Variants in SPMIP2 observed in about 807,000 individuals in gnomAD.
SPMIP2 encodes sperm microtubule inner protein 2, also known as protein SPMIP2.
At chr4:158,924,301 T>C in the SPMIP2 span, among the ~76,000 whole-genome samples, 2 of 152,348 alleles carry the variant, frequency 1.3e-5, no homozygotes, top group African/African-American at 4.8e-5. Context: ...GTTGAGTGTT[T>C]TTCATCATGA....
the SPMIP2 span, among the ~76,000 whole-genome samples, chr4:158,964,228 G>A: frequency 6.6e-6 from 1 of 151,898 alleles, no homozygotes; most frequent in South Asian, 2.1e-4. Flanking sequence ...GTGCCTGGGT[G>A]GCCTCTGAAT....
At chr4:159,035,206 G>A in the SPMIP2 span, 1,871 of 815,854 alleles carry the variant, frequency 2.3e-3, 28 homozygotes, top group African/African-American at 0.029. Context: ...CCCTGCTTGT[G>A]ACCTGCACCA....
chr4:159,067,523 GC>G, the SPMIP2 span, among the ~76,000 whole-genome samples: 14 of 152,306 alleles, frequency 9.2e-5, no homozygotes, highest in South Asian at 2.9e-3. Context: ...GAGCCACCAT[GC>G]CCAGCCAATC....
At chr4:159,057,621 A>C in the SPMIP2 span, among the ~76,000 whole-genome samples, 1 of 152,214 alleles carries the variant, frequency 6.6e-6, no homozygotes, top group Non-Finnish European at 1.5e-5. Context: ...TCAATTGGAG[A>C]AAATGTGTGA....
At chr4:158,942,006 A>G in the SPMIP2 span, among the ~76,000 whole-genome samples, 99,234 of 152,038 alleles carry the variant, frequency 0.65, 32,834 homozygotes, top group East Asian at 0.88. Context: ...TGTCTTGAAG[A>G]TCCTAGCTCT....
the SPMIP2 span, among the ~76,000 whole-genome samples, chr4:159,039,267 T>C: frequency 1.8e-4 from 27 of 152,234 alleles, no homozygotes; most frequent in African/African-American, 6.0e-4. Flanking sequence ...GAGCAGACAC[T>C]GGTTGGTGTT....
chr4:158,928,921 G>A, the SPMIP2 span, among the ~76,000 whole-genome samples: 12 of 152,068 alleles, frequency 7.9e-5, no homozygotes, highest in African/African-American at 1.2e-4. Context: ...CGATCCCACC[G>A]GAAGGAAGAA....
chr4:158,915,506 C>T, the SPMIP2 span: 49 of 706,188 alleles, frequency 6.9e-5, no homozygotes, highest in Admixed American at 8.7e-5. Context: ...CTGACCCATC[C>T]TGGGAAGTTT....
At chr4:158,925,692 A>C in the SPMIP2 span, among the ~76,000 whole-genome samples, 1 of 152,236 alleles carries the variant, frequency 6.6e-6, no homozygotes, top group Non-Finnish European at 1.5e-5. Flanking sequence ...CTCAGGCAGT[A>C]ATGCTCTCTG....
chr4:159,075,078 T>G, the SPMIP2 span, among the ~76,000 whole-genome samples: 60 of 152,198 alleles, frequency 3.9e-4, no homozygotes, highest in Non-Finnish European at 6.2e-4. Flanking sequence ...CTCCTGCTGA[T>G]GTACTCTATT....
the SPMIP2 span, among the ~76,000 whole-genome samples, chr4:158,995,795 T>G: frequency 6.9e-6 from 1 of 145,602 alleles, no homozygotes; most frequent in African/African-American, 2.6e-5. Flanking sequence ...AGACGGAGGT[T>G]GCAGTGAGCT....
the SPMIP2 span, among the ~76,000 whole-genome samples, chr4:159,066,354 C>T: frequency 1.3e-5 from 2 of 151,920 alleles, no homozygotes; most frequent in South Asian, 4.1e-4. Context: ...GGGAAATATG[C>T]TTTGTTAGAT....
chr4:159,080,465 C>T, the SPMIP2 span, among the ~76,000 whole-genome samples: 1 of 152,126 alleles, frequency 6.6e-6, no homozygotes, highest in East Asian at 1.9e-4. Context: ...AGCAGTCCTC[C>T]TGCCTCGGGT....
chr4:158,908,945 C>T, the SPMIP2 span, among the ~76,000 whole-genome samples: 2 of 152,160 alleles, frequency 1.3e-5, no homozygotes, highest in Admixed American at 1.3e-4. Flanking sequence ...ACCTCAGCCT[C>T]CCAAAGTGCT....
At chr4:158,953,542 A>C in the SPMIP2 span, among the ~76,000 whole-genome samples, 83 of 152,242 alleles carry the variant, frequency 5.5e-4, no homozygotes, top group Non-Finnish European at 9.4e-4. Context: ...CAGAGCCCCC[A>C]CAGAGTCCCT....
At chr4:159,004,501 G>A in the SPMIP2 span, among the ~76,000 whole-genome samples, 2 of 152,004 alleles carry the variant, frequency 1.3e-5, no homozygotes, top group African/African-American at 4.8e-5. Context: ...ATGTTGGCCA[G>A]GCTTGTCTCG....
chr4:159,076,262 C>T, the SPMIP2 span, among the ~76,000 whole-genome samples: 1 of 152,130 alleles, frequency 6.6e-6, no homozygotes, highest in Non-Finnish European at 1.5e-5. Flanking sequence ...TAAAGATTAC[C>T]AACTCCCAAA....
chr4:158,907,947 T>C, the SPMIP2 span: 106 of 152,372 alleles, frequency 7.0e-4, 1 homozygote, highest in African/African-American at 2.3e-3. Context: ...TCTGAATAGA[T>C]ACCAATGTCA....
chr4:158,979,940 A>G, the SPMIP2 span, among the ~76,000 whole-genome samples: 1 of 152,060 alleles, frequency 6.6e-6, no homozygotes, highest in Non-Finnish European at 1.5e-5. Flanking sequence ...CCAGCAAGCT[A>G]AGATCCACTG....
Sources: gnomAD v4.1 joint callset for allele counts (sites outside exome capture counted in the v4.1 genomes callset) on GRCh38, gnomAD v4.1.1 for gene constraint, MANE v1.5 for transcripts, NCBI Gene and HGNC (gene_info 2026-07-23, HGNC 2026-07-21) for gene names.